The following GPC5 variants were observed in gnomAD, a reference collection of about 807,000 sequenced individuals.
GPC5 encodes the protein glypican-5.
GPC5 carries 47 observed loss-of-function variants against 53.9 expected under a neutral mutation model. That is an observed-to-expected ratio of 0.87 (90% CI 0.69 to 1.11). The LOEUF is 1.11. Among genes scored for constraint, GPC5 ranks in the 50% most tolerant of loss-of-function variants. The probability of loss-of-function intolerance (pLI) is 0.00; values close to 1 mark genes in which losing one functional copy is unlikely to be tolerated. For missense variants in GPC5, 748 were observed against 713.1 expected, an observed-to-expected ratio of 1.05 and a Z score of -0.56; for synonymous variants, 286 against 263.3, an observed-to-expected ratio of 1.09 and a Z score of -0.84.
chr13:92,794,304 G>A (rs1332004477), intron 7 of GPC5, among the ~76,000 whole-genome samples: 1 of 152,102 alleles, frequency 6.6e-6, no homozygotes, highest in Non-Finnish European at 1.5e-5. Context: ...CTCAATAGAT[G>A]GAGAAAAGGC....
At chr13:91,503,890 A>G (rs1884800076) in intron 2 of GPC5, among the ~76,000 whole-genome samples, 1 of 150,922 alleles carries the variant, frequency 6.6e-6, no homozygotes, top group Non-Finnish European at 1.5e-5. Context: ...AATATGATAG[A>G]GAATTCACAG....
intron 7 of GPC5, among the ~76,000 whole-genome samples, chr13:92,751,322 A>C (rs1373015479): frequency 2.7e-5 from 4 of 148,308 alleles, no homozygotes; most frequent in Non-Finnish European, 6.0e-5. Context: ...AAAAAAAAAA[A>C]AAAAAAAAAA....
intron 1 of GPC5, among the ~76,000 whole-genome samples, chr13:91,433,968 T>C (rs1879702579): frequency 6.6e-6 from 1 of 152,262 alleles, no homozygotes; most frequent in African/African-American, 2.4e-5. Context: ...TGAGCATTTT[T>C]TCACGTGTCT....
At chr13:92,714,877 C>T (rs1002864024) in intron 7 of GPC5, among the ~76,000 whole-genome samples, 16 of 152,006 alleles carry the variant, frequency 1.1e-4, no homozygotes, top group Non-Finnish European at 1.5e-4. Flanking sequence ...ACCAGCCTGG[C>T]CAAGGTGATG....
chr13:92,702,630 C>G lies in GPC5; in HGVS notation c.1562-163652C>G, dbSNP rs559462846. ...CTCCAGCTACCTCCCCAGCCCAAGC[C>G]CCCATTTTCTCTTCTGGGTTATTGC... On this transcript the variant is annotated intron_variant, in intron 7 of 7. Transcript: ENST00000377067. Among the ~76,000 whole-genome samples, 9 of 152,160 alleles carry G rather than the reference C, an allele frequency of 5.9e-5. 1 individual carries two copies. The South Asian group carries it at 1.9e-3, about 32-fold the overall frequency.
At chr13:92,360,647 G>GA (rs1594132217) in intron 7 of GPC5, among the ~76,000 whole-genome samples, 1 of 151,376 alleles carries the variant, frequency 6.6e-6, no homozygotes, top group East Asian at 1.9e-4. Flanking sequence ...GCAGGATAAA[G>GA]AAAAAAATGG....
At chr13:92,545,822 C>T (rs1170989618) in intron 7 of GPC5, among the ~76,000 whole-genome samples, 10 of 151,924 alleles carry the variant, frequency 6.6e-5, no homozygotes, top group Non-Finnish European at 1.2e-4. Context: ...GGATATTAGC[C>T]GTTTGTCAGA....
chr13:92,021,087 A>G (rs1374285777), intron 6 of GPC5, among the ~76,000 whole-genome samples: 1 of 152,110 alleles, frequency 6.6e-6, no homozygotes, highest in Non-Finnish European at 1.5e-5. Flanking sequence ...ATTTTCTCCT[A>G]AATTGTGTAA....
intron 7 of GPC5, among the ~76,000 whole-genome samples, chr13:92,772,893 CAATATTTT>C (rs1470503203): frequency 6.6e-6 from 1 of 152,038 alleles, no homozygotes; most frequent in African/African-American, 2.4e-5. Context: ...ATTTCACATA[CAATATTTT>C]ATTTATTATT....
chr13:91,746,695 G>T (rs2037057862), intron 4 of GPC5, among the ~76,000 whole-genome samples: 1 of 152,062 alleles, frequency 6.6e-6, no homozygotes, highest in Non-Finnish European at 1.5e-5. Context: ...CCTAAAAGAT[G>T]AACAAAGTTT....
intron 2 of GPC5, among the ~76,000 whole-genome samples, chr13:91,524,029 A>T (rs1244137464): frequency 1.3e-5 from 2 of 152,058 alleles, no homozygotes; most frequent in Admixed American, 1.3e-4. Context: ...TGAATACTAT[A>T]ATAAATATAA....
chr13:91,398,854 A>C lies in GPC5; in HGVS notation c.-193A>C, dbSNP rs868316118. The C allele has an allele frequency of 6.0e-5, 35 of 579,486 alleles. No individual in the cohort carries two copies. Among genetic ancestry groups the C allele is most frequent in the Middle Eastern group, 9.4e-4 (2 of 2,136 alleles). The allele number at this position is 579,486 out of a possible 1,614,324, so 35.9% of individuals were successfully genotyped here. A position where few individuals can be genotyped will look rare whatever the true frequency, so the allele number is the denominator to read the frequency against. Reference sequence around the variant, plus strand: ...CTCAGCTGGAAAACTCTGGTGTCTCAGCTTAGGGCCTCCTCCGGGAAGAGC... The same window carrying C: ...CTCAGCTGGAAAACTCTGGTGTCTCCGCTTAGGGCCTCCTCCGGGAAGAGC... On this transcript the variant is annotated 5_prime_UTR_variant, in exon 1 of 8. Transcript: ENST00000377067.
At chr13:92,624,144 G>A (rs1884971285) in intron 7 of GPC5, among the ~76,000 whole-genome samples, 1 of 150,554 alleles carries the variant, frequency 6.6e-6, no homozygotes, top group African/African-American at 2.5e-5. Flanking sequence ...GCTCAATCTT[G>A]GCTCACTGCA....
intron 5 of GPC5, among the ~76,000 whole-genome samples, chr13:91,817,206 G>T (rs1412269481): frequency 1.3e-5 from 2 of 151,970 alleles, no homozygotes; most frequent in Admixed American, 1.3e-4. Flanking sequence ...TCTATCTTTC[G>T]ACAGGAATTC....
At chr13:92,713,155 C>G (rs969382348) in intron 7 of GPC5, among the ~76,000 whole-genome samples, 1 of 152,090 alleles carries the variant, frequency 6.6e-6, no homozygotes, top group African/African-American at 2.4e-5. Flanking sequence ...AGGGAGAAGA[C>G]AGTTATCCAC....
intron 2 of GPC5, among the ~76,000 whole-genome samples, chr13:91,675,709 G>C (rs976739932): frequency 6.6e-6 from 1 of 152,150 alleles, no homozygotes; most frequent in African/African-American, 2.4e-5. Flanking sequence ...ATGTGTTCCA[G>C]ATAGAAAAAA....
intron 7 of GPC5, among the ~76,000 whole-genome samples, chr13:92,335,200 G>A (rs1373296528): frequency 2.0e-5 from 3 of 152,118 alleles, no homozygotes; most frequent in African/African-American, 7.2e-5. Context: ...TGAAATCTAG[G>A]TGGAAGTTCC....
chr13:92,663,769 C>CTA, intron 7 of GPC5, among the ~76,000 whole-genome samples: 1 of 135,358 alleles, frequency 7.4e-6, no homozygotes, highest in Admixed American at 7.7e-5. Context: ...TATATATACA[C>CTA]TATATATACA....
intron 7 of GPC5, among the ~76,000 whole-genome samples, chr13:92,400,883 G>T (rs1875525757): frequency 6.6e-6 from 1 of 151,594 alleles, no homozygotes; most frequent in Non-Finnish European, 1.5e-5. Flanking sequence ...TTTGTATATG[G>T]TACATTAATA....
Sources: gnomAD v4.1 joint callset for allele counts (sites outside exome capture counted in the v4.1 genomes callset) on GRCh38, gnomAD v4.1.1 for gene constraint, MANE v1.5 for transcripts, NCBI Gene and HGNC (gene_info 2026-07-23, HGNC 2026-07-21) for gene names.